USO1: variants seen among roughly 807,000 people sequenced by gnomAD.
The protein encoded by USO1 is USO1 vesicle transport factor.
USO1 carries 57 observed loss-of-function variants against 124.5 expected under a neutral mutation model. That is an observed-to-expected ratio of 0.46 (90% confidence interval 0.37 to 0.57). The LOEUF (loss-of-function observed/expected upper bound fraction) is 0.57. Among genes scored for constraint, USO1 ranks in the 20% least tolerant of loss-of-function variants. The pLI, the probability that USO1 is intolerant of heterozygous loss-of-function variation, is 0.00. For missense variants in USO1, 900 were observed against 1,040.6 expected (o/e 0.86, Z 1.86); for synonymous variants, 369 against 362.8 (o/e 1.02, Z -0.19).
intron 1 of USO1, among the ~76,000 whole-genome samples, chr4:75,726,440 T>C (rs1720463227): frequency 6.6e-6 from 1 of 152,014 alleles, no homozygotes; most frequent in Non-Finnish European, 1.5e-5. Context: ...ATAGTATTAC[T>C]AAAATTAACT....
In USO1 at chr4:75,796,500, G is replaced by A. The variant is rs200464612; in HGVS notation, c.1452+2599G>A. On this transcript the variant is annotated intron_variant, in intron 13 of 23. Transcript: ENST00000514213. ...ACAGGTGCGCACCACCACACCCAGC[G>A]AATTTTTGTATTTTTAGTAGAGACA... Among the ~76,000 whole-genome samples, 18 of 151,478 alleles carry A rather than the reference G, an allele frequency of 1.2e-4. No homozygotes were observed. The East Asian group carries it at 2.5e-3, about 21-fold the overall frequency.
chr4:75,807,258 A>G (rs1324850640), intron 20 of USO1, among the ~76,000 whole-genome samples: 1 of 152,148 alleles, frequency 6.6e-6, no homozygotes, highest in Non-Finnish European at 1.5e-5. Context: ...AGAAAACTCT[A>G]GAGTATATTA....
chr4:75,724,638 G>A lies in USO1; in HGVS notation c.-182G>A. The A allele has an allele frequency of 3.3e-6, 2 of 601,780 alleles. No homozygotes were observed. The highest frequency in any genetic ancestry group is 4.1e-5 in the South Asian group (2 of 48,950). 37.3% of individuals were successfully genotyped at this position (601,780 alleles called of 1,614,324 possible). ...CCACGTCCCCGCGCATGCGCATCTT[G>A]GCCGCTGCTGGCGGCTGTTTCCGGG... On this transcript the variant is annotated 5_prime_UTR_variant, in exon 1 of 24. It introduces an in-frame stop codon into an upstream open reading frame of the 5' UTR. Coordinates refer to ENST00000514213, the MANE Select transcript of USO1 (RefSeq NM_003715.4).
intron 13 of USO1, among the ~76,000 whole-genome samples, chr4:75,795,085 G>T (rs1324293215): frequency 6.6e-6 from 1 of 152,116 alleles, no homozygotes; most frequent in Non-Finnish European, 1.5e-5. Context: ...TGCTAAAGAT[G>T]GTGGTGTCTT....
Position 75,812,387 on chromosome 4 carries a change from ATGTCTCC to A in USO1, c.2799+13_2799+19del. On this transcript the variant is annotated intron_variant, in intron 23 of 23. Coordinates refer to ENST00000514213, the MANE Select transcript of USO1 (RefSeq NM_003715.4). ...ATCTTGGTCATCCAGTAAGATTAAA[ATGTCTCC>A]AAAAATGATTTGTATTATGTTTTAG... 6.4e-7 allele frequency: 1 copy of A among 1,554,856 alleles called. No homozygotes were observed. The highest frequency in any genetic ancestry group is 2.1e-5 in the Admixed American group (1 of 47,930).
chr4:75,782,538 T>G, intron 8 of USO1, 142 bp from the exon 9 acceptor site: 1 of 1,117,432 alleles, frequency 8.9e-7, no homozygotes, highest in Non-Finnish European at 1.2e-6. Context: ...CCTGTGGCCA[T>G]CAGGTGTCAG....
At chr4:75,786,987 T>G in intron 9 of USO1, 75 bp from the exon 10 acceptor site, 1 of 1,433,888 alleles carries the variant, frequency 7.0e-7, no homozygotes, top group Non-Finnish European at 9.1e-7. Flanking sequence ...GACTTTCTTG[T>G]TCACATAGAT....
Position 75,770,791 on chromosome 4 carries a change from A to G in USO1, c.397-31A>G, listed in dbSNP as rs1426952888. 2.5e-6 allele frequency: 4 copies of G among 1,583,582 alleles called. No homozygotes were observed. The African/African-American group carries it at 4.1e-5, about 16-fold the overall frequency. On this transcript the variant is annotated intron_variant, in intron 5 of 23. Transcript: ENST00000514213. Reference sequence around the variant, plus strand: ...TTTTTCTCGAAAATGTGAATTACAGATGTTAAATATTTTGAATTCTTACAT... The same window carrying G: ...TTTTTCTCGAAAATGTGAATTACAGGTGTTAAATATTTTGAATTCTTACAT...
chr4:75,799,826 G>T, intron 14 of USO1, 94 bp downstream of exon 14: 3 of 1,414,866 alleles, frequency 2.1e-6, no homozygotes, highest in Non-Finnish European at 2.9e-6. Context: ...CAAAATATTT[G>T]AATTCTCCAC....
At chr4:75,769,137 C>T (rs1260513486) in intron 4 of USO1, among the ~76,000 whole-genome samples, 1 of 152,208 alleles carries the variant, frequency 6.6e-6, no homozygotes, top group Non-Finnish European at 1.5e-5. Flanking sequence ...ATTATGACAT[C>T]TAAGGTCTAA....
intron 8 of USO1, among the ~76,000 whole-genome samples, chr4:75,778,443 T>C (rs538067383): frequency 6.6e-6 from 1 of 152,292 alleles, no homozygotes; most frequent in South Asian, 2.1e-4. Context: ...AAAGGAAGGA[T>C]TGGTCTTGCT....
chr4:75,805,374 T>C (rs1352480407), intron 19 of USO1, 71 bp downstream of exon 19: 28 of 1,442,296 alleles, frequency 1.9e-5, no homozygotes, highest in Admixed American at 1.7e-4. Flanking sequence ...TTTTTTTTTT[T>C]TCCTTGGATC....
chr4:75,747,900 CTTTTTTTTTTTTTT>C (rs34689475), intron 1 of USO1, among the ~76,000 whole-genome samples: 3 of 44,288 alleles, frequency 6.8e-5, no homozygotes, highest in African/African-American at 2.7e-4. Flanking sequence ...CTCACCTGGC[CTTTTTTTTTTTTTT>C]TTTTTTTTTT....
In USO1 at chr4:75,736,307, C is replaced by CTTTTTT. The variant is rs775201813; in HGVS notation, c.66+11445_66+11450dup. On this transcript the variant is annotated intron_variant, in intron 1 of 23. Transcript: ENST00000514213. ...CTGTTTATTGTGTTCTACAGCTTACCTTTTTTTTTTTTTTTTTTTTTTTTT... is the reference window on the plus strand; with the variant it reads ...CTGTTTATTGTGTTCTACAGCTTACCTTTTTTTTTTTTTTTTTTTTTTTTTTTTTTT... Among the ~76,000 whole-genome samples, 4 of 63,276 alleles carry CTTTTTT rather than the reference C, an allele frequency of 6.3e-5. 1 individual carries two copies. The highest frequency in any genetic ancestry group is 1.0e-3 in the East Asian group (2 of 1,966). 41.5% of individuals were successfully genotyped at this position (63,276 alleles called of 152,430 possible).
At chr4:75,727,729 A>G (rs943282609) in intron 1 of USO1, among the ~76,000 whole-genome samples, 3 of 152,184 alleles carry the variant, frequency 2.0e-5, no homozygotes, top group African/African-American at 7.2e-5. Flanking sequence ...CTGCAAAATT[A>G]AATTTTTTTC....
At chr4:75,771,294 C>T (rs1721921553) in intron 7 of USO1, among the ~76,000 whole-genome samples, 157 bp downstream of exon 7, 1 of 151,940 alleles carries the variant, frequency 6.6e-6, no homozygotes, top group African/African-American at 2.4e-5. Flanking sequence ...AGATGGGGGT[C>T]TCTCTATGTT....
intron 1 of USO1, among the ~76,000 whole-genome samples, chr4:75,746,303 C>T (rs1322832305): frequency 6.6e-6 from 1 of 152,202 alleles, no homozygotes; most frequent in Non-Finnish European, 1.5e-5. Context: ...CCATGCCTAG[C>T]TGCAAGGAAA....
At chr4:75,810,607 T>A in intron 22 of USO1, 68 bp downstream of exon 22, 1 of 1,428,686 alleles carries the variant, frequency 7.0e-7, no homozygotes, top group Non-Finnish European at 9.3e-7. Flanking sequence ...ATTTTATATA[T>A]CTTTCAAATT....
intron 1 of USO1, among the ~76,000 whole-genome samples, chr4:75,751,114 C>T (rs1721286882): frequency 1.3e-5 from 2 of 151,650 alleles, no homozygotes; most frequent in South Asian, 4.2e-4. Flanking sequence ...AAGTTGTTAT[C>T]TGTTTTTTCC....
Sources: allele counts gnomAD v4.1 joint callset (sites outside exome capture counted in the v4.1 genomes callset), GRCh38; gene constraint gnomAD v4.1.1; transcripts MANE v1.5; gene names NCBI Gene and HGNC (gene_info 2026-07-23, HGNC 2026-07-21).